The following TTLL4 variants were observed in gnomAD, a reference collection of about 807,000 sequenced individuals.
TTLL4 encodes the protein tubulin monoglutamylase TTLL4.
Under a neutral mutation model 122.7 loss-of-function variants are expected in TTLL4, and 85 were observed. The ratio of observed to expected loss-of-function variants is 0.69; its 90% CI spans 0.58 to 0.83. The LOEUF is 0.83. TTLL4 is among the 40% of genes least tolerant of loss of function. The pLI is 0.00. For missense variants in TTLL4, 1,363 were observed against 1,488.6 expected, an observed-to-expected ratio of 0.92 and a Z score of 1.39; for synonymous variants, 553 against 563.0, an observed-to-expected ratio of 0.98 and a Z score of 0.25.
Position 218,753,670 on chromosome 2 carries a change from G to A in TTLL4, c.3344+1G>A. ...GCAAATCAGAGACTAGCAAGCTGGG[G>A]TGAGTGCTGCCTGGGCAAGGGAGGG... On this transcript the variant is annotated splice_donor_variant, in intron 19 of 19. Transcript: ENST00000392102. LOFTEE classifies it high-confidence loss of function. 6.2e-7 allele frequency: 1 copy of A among 1,614,116 alleles called. No homozygotes were observed. The highest frequency in any genetic ancestry group is 8.5e-7 in the Non-Finnish European group (1 of 1,180,042).
At position 218,741,914 on chromosome 2, in the gene TTLL4, T is replaced by G. The variant is rs979438332; in HGVS notation, c.1661+1330T>G. Among the ~76,000 whole-genome samples the G allele has an allele frequency of 5.9e-5, 9 of 152,336 alleles. No individual in the cohort carries two copies. The South Asian group carries it at 1.2e-3, about 21-fold the overall frequency. ...TTAACTTCTACAAATTGCACATAAC[T>G]TTTTCTCTATATGAGGCTTAAACAT... On this transcript the variant is annotated intron_variant, in intron 5 of 19. Coordinates refer to ENST00000392102, the MANE Select transcript of TTLL4 (RefSeq NM_014640.5).
At chr2:218,743,666 C>G (rs1195205837) in intron 5 of TTLL4, among the ~76,000 whole-genome samples, 1 of 151,368 alleles carries the variant, frequency 6.6e-6, no homozygotes, top group Non-Finnish European at 1.5e-5. Context: ...ACGTTTCTAT[C>G]TTTTTTGTTT....
Position 218,747,483 on chromosome 2 carries a change from C to T in TTLL4, c.2249+111C>T. On this transcript the variant is annotated intron_variant, in intron 10 of 19. Transcript: ENST00000392102. The surrounding 1 kb of genome is among the most constrained non-coding windows in gnomAD (Gnocchi z 4.7). ...CTCCCAGCCAAAGAGCTTCCTTAGC[C>T]AACTGTTCTAAGGTCTTTATCTTGG... 3 of 1,563,686 alleles carry T rather than the reference C, an allele frequency of 1.9e-6. No individual in the cohort carries two copies. Among genetic ancestry groups the T allele is most frequent in the Non-Finnish European group, 2.6e-6 (3 of 1,149,462 alleles).
Position 218,747,287 on chromosome 2 carries a change from T to C in TTLL4, c.2167-3T>C. 1 of 1,614,184 alleles carries C rather than the reference T, an allele frequency of 6.2e-7. No homozygotes were observed. Among genetic ancestry groups the C allele is most frequent in the Non-Finnish European group, 8.5e-7 (1 of 1,180,036 alleles). ...GCAAATCTCATCTCCTTTCTGCTCC[T>C]AGCCAGCATCAGCTCGAGGCATTGG... On this transcript the variant is annotated splice_region_variant and splice_polypyrimidine_tract_variant and intron_variant, in intron 9 of 19. Coordinates refer to ENST00000392102, the MANE Select transcript of TTLL4 (RefSeq NM_014640.5). The surrounding 1 kb of genome is among the most constrained non-coding windows in gnomAD (Gnocchi z 4.7).
rs1392740624 is a variant in TTLL4 at position 218,737,927 on chromosome 2, C to T, written c.251C>T (p.Pro84Leu). ...CCCCAGCCAGCATATTTCTTTTGCC[C>T]CAGCACTTTATGTAGCTCTGGGACC... Reference protein sequence around the residue: ...VPPQPAYFFCPSTLCSSGTTA... With the variant: ...VPPQPAYFFCLSTLCSSGTTA... Residue 84 changes from proline to leucine, a missense_variant, in exon 3 of 20, where the codon CCC becomes CTC. Transcript: ENST00000392102. 1.2e-6 allele frequency: 2 copies of T among 1,614,058 alleles called. No homozygotes were observed. Among genetic ancestry groups the T allele is most frequent in the Admixed American group, 3.3e-5 (2 of 59,996 alleles).
At chr2:218,746,386 G>A in intron 8 of TTLL4, 155 bp downstream of exon 8, 1 of 715,700 alleles carries the variant, frequency 1.4e-6, no homozygotes, top group South Asian at 1.7e-5. Context: ...CGGGGGTACA[G>A]TGAGAGACTC....
rs187385754 is a variant in TTLL4 at position 218,741,898 on chromosome 2, A to G, written c.1661+1314A>G. On this transcript the variant is annotated intron_variant, in intron 5 of 19. Coordinates refer to ENST00000392102, the MANE Select transcript of TTLL4 (RefSeq NM_014640.5). ...TTTGCTCATTAATTAATTAACTTCT[A>G]CAAATTGCACATAACTTTTTCTCTA... 3.2e-3 allele frequency among the ~76,000 whole-genome samples: 481 copies of G among 152,332 alleles called. 1 individual carries two copies. The highest frequency in any genetic ancestry group is 0.011 in the African/African-American group (460 of 41,580).
intron 5 of TTLL4, among the ~76,000 whole-genome samples, chr2:218,744,162 TTAAGAG>T (rs1291241826): frequency 6.6e-6 from 1 of 152,258 alleles, no homozygotes; most frequent in African/African-American, 2.4e-5. Context: ...TTAAAAATCT[TTAAGAG>T]TTAAAACACT....
intron 5 of TTLL4, among the ~76,000 whole-genome samples, chr2:218,744,155 A>G (rs930224841): frequency 2.0e-5 from 3 of 152,276 alleles, no homozygotes; most frequent in African/African-American, 7.2e-5. Context: ...AAATTCATTA[A>G]AAATCTTTAA....
At chr2:218,753,296 T>G in intron 18 of TTLL4, 111 bp downstream of exon 18, 1 of 1,151,582 alleles carries the variant, frequency 8.7e-7, no homozygotes, top group Non-Finnish European at 1.3e-6. Flanking sequence ...ACTTCTCCGC[T>G]AGGCTCTGCT....
chr2:218,750,257 T>C, intron 15 of TTLL4, 111 bp downstream of exon 15: 1 of 1,451,850 alleles, frequency 6.9e-7, no homozygotes, highest in South Asian at 1.4e-5. Context: ...CCCTTGCTGC[T>C]CAATCTTGCC....
In TTLL4 at chr2:218,739,508, G is replaced by A. The variant is rs559860893; in HGVS notation, c.1487+345G>A. ...CTCTGGTCCTTTAGAGAAAGAGTTC[G>A]CCAACCCCTATTTTAAGTAAAAACC... On this transcript the variant is annotated intron_variant, in intron 3 of 19. Transcript: ENST00000392102. Among the ~76,000 whole-genome samples the A allele has an allele frequency of 2.8e-4, 43 of 152,260 alleles. 1 individual carries two copies. The highest frequency in any genetic ancestry group is 9.9e-4 in the African/African-American group (41 of 41,546).
intron 2 of TTLL4, 77 bp from the exon 3 acceptor site, chr2:218,737,502 C>A: frequency 2.6e-6 from 2 of 755,334 alleles, no homozygotes; most frequent in Non-Finnish European, 4.2e-6. Flanking sequence ...GACTGTACTG[C>A]TTACCTGAGG....
At position 218,718,930 on chromosome 2, in the gene TTLL4, TG is replaced by T. The variant is rs926344009; in HGVS notation, c.-178+7896del. Among the ~76,000 whole-genome samples, 31 of 152,236 alleles carry T rather than the reference TG, an allele frequency of 2.0e-4. 1 individual carries two copies. Among genetic ancestry groups the T allele is most frequent in the Non-Finnish European group, 4.3e-4 (29 of 68,048 alleles). ...ACTTGGTGTTAGAGGGGTTGGAGAC[TG>T]GGCTGAGGCAGCCATGCAAATAGAA... On this transcript the variant is annotated intron_variant, in intron 1 of 19. Transcript: ENST00000392102.
chr2:218,744,036 C>T (rs1038969904), intron 5 of TTLL4, among the ~76,000 whole-genome samples: 7 of 152,164 alleles, frequency 4.6e-5, no homozygotes, highest in Admixed American at 1.3e-4. Flanking sequence ...ATCTTAAATT[C>T]TCATACTCAG....
chr2:218,733,318 A>T (rs6436071), intron 2 of TTLL4, among the ~76,000 whole-genome samples: 74,878 of 151,908 alleles, frequency 0.49, 19,132 homozygotes, highest in African/African-American at 0.59. Context: ...TATGGGTAGC[A>T]TGGCTGCGGA....
chr2:218,742,719 A>C (rs956450781), intron 5 of TTLL4, among the ~76,000 whole-genome samples: 2 of 152,240 alleles, frequency 1.3e-5, no homozygotes, highest in African/African-American at 4.8e-5. Flanking sequence ...TGTAAGAAAG[A>C]ATGCAGAGAG....
At chr2:218,744,928 AG>A (rs1186413876) in intron 5 of TTLL4, among the ~76,000 whole-genome samples, 180 bp from the exon 6 acceptor site, 2 of 152,220 alleles carry the variant, frequency 1.3e-5, no homozygotes, top group African/African-American at 4.8e-5. Context: ...GGTTGTATGT[AG>A]GTTAGCCTAG....
chr2:218,748,838 C>G lies in TTLL4; in HGVS notation c.2504C>G (p.Ala835Gly). The change falls in exon 13 of 20, where the codon GCA becomes GGA. Residue 835 changes from alanine to glycine, a missense_variant and splice_region_variant. This residue lies in a region of TTLL4 where 596 missense variants were observed against 655.8 expected (regional missense o/e 0.91). Coordinates refer to ENST00000392102, the MANE Select transcript of TTLL4 (RefSeq NM_014640.5). Reference sequence around the variant, plus strand: ...TACTTCCTCTTCCTCCTCTGCAGGGCACTGAAGGCTTTGTGGAACTACCTG... The same window carrying G: ...TACTTCCTCTTCCTCCTCTGCAGGGGACTGAAGGCTTTGTGGAACTACCTG... ...DEMACQGHKW[A>G]LKALWNYLSQ... 1 of 1,614,022 alleles carries G rather than the reference C, an allele frequency of 6.2e-7. No homozygotes were observed.
Sources: gnomAD v4.1 joint callset for allele counts (sites outside exome capture counted in the v4.1 genomes callset) on GRCh38, gnomAD v4.1.1 for gene constraint, gnomAD v4.1.1 regional missense constraint, Gnocchi (gnomAD v3.1) non-coding constraint, MANE v1.5 for transcripts, NCBI Gene and HGNC (gene_info 2026-07-23, HGNC 2026-07-21) for gene names.